The following TTN variants were observed in gnomAD, a reference collection of about 807,000 sequenced individuals.
TTN encodes connectin.
TTN carries 1,525 observed loss-of-function variants against 3,223.0 expected under a neutral mutation model. That is an observed-to-expected ratio of 0.47 (90% CI 0.45 to 0.49). TTN has a LOEUF of 0.49. Ranked by LOEUF, TTN falls within the 20% of genes least tolerant of loss-of-function variation. The probability of loss-of-function intolerance (pLI) is 0.00; values close to 1 mark genes in which losing one functional copy is unlikely to be tolerated. For missense variants in TTN, 40,786 were observed against 43,424.0 expected (o/e 0.94, Z 5.40); for synonymous variants, 14,094 against 15,161.0 (o/e 0.93, Z 5.17).
intron 69 of TTN, chr2:178,726,876 G>T: frequency 4.9e-6 from 2 of 406,720 alleles, no homozygotes; most frequent in Non-Finnish European, 8.4e-6. Context: ...TCAGAATTAT[G>T]ACACTGGAAT....
At position 178,731,746 on chromosome 2, in the gene TTN, C is replaced by T. The variant is rs200018866; in HGVS notation, c.17129G>A (p.Arg5710Gln). The T allele has an allele frequency of 5.5e-5, 89 of 1,613,520 alleles. No individual in the cohort carries two copies. The highest frequency in any genetic ancestry group is 3.7e-4 in the African/African-American group (28 of 74,888). ...GCTGCTGCCCACCTCATTGGTCACC[C>T]GACACTGGTATTCGCCAGCATCTGC... The part of the protein sequence containing the change: ...VAADAGEYQC[R>Q]VTNEVGSSIC... Residue 5710 changes from arginine to glutamine, a missense_variant, in exon 58 of 363, where the codon CGG becomes CAG. Transcript: ENST00000589042.
intron 344 of TTN, 93 bp from the exon 345 acceptor site, chr2:178,544,599 T>C: frequency 9.0e-7 from 1 of 1,107,402 alleles, no homozygotes; most frequent in Non-Finnish European, 1.3e-6. Flanking sequence ...AAAGGCATTA[T>C]TGCTCTTGTC....
At chr2:178,752,999 T>C (rs2085967192) in intron 47 of TTN, 125 bp downstream of exon 47, 6 of 716,230 alleles carry the variant, frequency 8.4e-6, no homozygotes, top group Admixed American at 2.7e-5. Context: ...ATATATACTC[T>C]AAGAGATATA....
At chr2:178,705,414 G>A in intron 102 of TTN, 57 bp from the exon 103 acceptor site, 2 of 1,294,066 alleles carry the variant, frequency 1.5e-6, no homozygotes, top group Non-Finnish European at 2.1e-6. Flanking sequence ...ATTTTTAATT[G>A]TCTATCATCA....
Position 178,764,030 on chromosome 2 carries a change from T to C in TTN, c.10114+147A>G, listed in dbSNP as rs2089878664. 20 of 1,185,938 alleles carry C rather than the reference T, an allele frequency of 1.7e-5. No homozygotes were observed. The South Asian group carries it at 2.6e-4, about 15-fold the overall frequency. The allele number at this position is 1,185,938 out of a possible 1,614,324, so 73.5% of individuals were successfully genotyped here. A position where few individuals can be genotyped will look rare whatever the true frequency, so the allele number is the denominator to read the frequency against. The stretch of plus-strand genomic sequence containing the variant: ...AACACTTATCTAATTCTTAATTTAA[T>C]AATTGAAATAAGTTTTCTGTTAGAT... On this transcript the variant is annotated intron_variant, in intron 43 of 362. Coordinates refer to ENST00000589042, the MANE Select transcript of TTN (RefSeq NM_001267550.2).
chr2:178,720,502 G>T lies in TTN; in HGVS notation c.23260C>A (p.His7754Asn). 1.9e-6 allele frequency: 3 copies of T among 1,613,646 alleles called. No homozygotes were observed. Among genetic ancestry groups the T allele is most frequent in the Non-Finnish European group, 2.5e-6 (3 of 1,179,662 alleles). Residue 7754 changes from histidine to asparagine, a missense_variant, in exon 80 of 363, where the codon CAT (histidine) becomes AAT (asparagine). Physicochemically the swap from His to Asn is moderately conservative, Grantham distance 68. Coordinates refer to ENST00000589042, the MANE Select transcript of TTN (RefSeq NM_001267550.2). Reference sequence around the variant, plus strand: ...AGGATATGAAGACTTGTATCAAAATGTTTTGAAGTGATTTTAAATTTCTTG... The same window carrying T: ...AGGATATGAAGACTTGTATCAAAATTTTTTGAAGTGATTTTAAATTTCTTG... ...NSKKFKITSK[H>N]FDTSLHILNL...
At chr2:178,749,625 A>G (rs2084809774) in intron 47 of TTN, 1 of 1,612,028 alleles carries the variant, frequency 6.2e-7, no homozygotes. Flanking sequence ...ATATTTTCGA[A>G]TTGACTATTT....
intron 10 of TTN, among the ~76,000 whole-genome samples, chr2:178,791,637 G>A (rs901988471): frequency 6.7e-6 from 1 of 149,748 alleles, no homozygotes; most frequent in Non-Finnish European, 1.5e-5. Flanking sequence ...ATTTATTCGG[G>A]GTGTTTATGG....
intron 147 of TTN, 22 bp from the exon 148 acceptor site, chr2:178,676,017 A>G (rs2068012072): frequency 6.4e-7 from 1 of 1,573,210 alleles, no homozygotes; most frequent in Non-Finnish European, 8.6e-7. Flanking sequence ...TCATTTCATG[A>G]TAAGGATTTA....
chr2:178,725,547 T>G lies in TTN; in HGVS notation c.20657A>C (p.Gln6886Pro). The change falls in exon 71 of 363, where the codon CAG (glutamine) becomes CCG (proline). Residue 6886 changes from glutamine (Q) to proline (P), a missense_variant. Coordinates refer to ENST00000589042, the MANE Select transcript of TTN (RefSeq NM_001267550.2). ...CACTTCTTCCTTCTCTTTAAGCCAC[T>G]GGACAAAAATAGGCTGGGCGCCTTC... ...SIEGAQPIFV[Q>P]WLKEKEEVIR... is the part of the protein sequence containing the mutation. The G allele has an allele frequency of 6.2e-7, 1 of 1,613,154 alleles. No individual in the cohort carries two copies. The highest frequency in any genetic ancestry group is 2.2e-5 in the East Asian group (1 of 44,842).
At chr2:178,803,508 A>G (rs2094166034) in intron 2 of TTN, among the ~76,000 whole-genome samples, 1 of 151,932 alleles carries the variant, frequency 6.6e-6, no homozygotes, top group Non-Finnish European at 1.5e-5. Context: ...TATGTACAAT[A>G]GAAAATAAGC....
Position 178,569,721 on chromosome 2 carries a change from G to T in TTN, c.76411C>A (p.Leu25471Met). 1.9e-6 allele frequency: 3 copies of T among 1,613,138 alleles called. No individual in the cohort carries two copies. The highest frequency in any genetic ancestry group is 2.2e-5 in the South Asian group (2 of 91,054). ...AAGTTGTATTCATGCTTTTCCAACAGCTTCTCTACTTCTATGTTTGTTTTA... is the reference window on the plus strand; with the variant it reads ...AAGTTGTATTCATGCTTTTCCAACATCTTCTCTACTTCTATGTTTGTTTTA... Reference protein sequence around the residue: ...INKTNIEVEKLLEKHEYNFRI... With the variant: ...INKTNIEVEKMLEKHEYNFRI... The change falls in exon 326 of 363, where the codon CTG (leucine) becomes ATG (methionine). Residue 25471 changes from leucine (L) to methionine (M), a missense_variant. Transcript: ENST00000589042.
chr2:178,741,118 G>C lies in TTN; in HGVS notation c.12115C>G (p.Pro4039Ala), dbSNP rs1250883187. 5 of 1,613,746 alleles carry C rather than the reference G, an allele frequency of 3.1e-6. No individual in the cohort carries two copies. The highest frequency in any genetic ancestry group is 4.2e-6 in the Non-Finnish European group (5 of 1,179,824). Residue 4039 changes from proline (P) to alanine (A), a missense_variant, in exon 48 of 363, where the codon CCC (proline) becomes GCC (alanine). By Grantham distance (27) the Pro-to-Ala change is conservative. Transcript: ENST00000589042. ...LLEDTDMTDT[P>A]CKAKSTPEAP... ...TCTGGTGTGGACTTTGCTTTGCAGG[G>C]GGTATCAGTCATGTCTGTGTCTTCC... is the stretch of plus-strand genomic sequence containing the variant.
intron 80 of TTN, 50 bp downstream of exon 80, chr2:178,720,335 A>C: frequency 6.3e-7 from 1 of 1,591,436 alleles, no homozygotes; most frequent in African/African-American, 1.3e-5. Context: ...TAGTTAGGCA[A>C]GAACAGATAG....
chr2:178,581,263 T>G (rs961555320), intron 316 of TTN, among the ~76,000 whole-genome samples: 1 of 152,064 alleles, frequency 6.6e-6, no homozygotes, highest in Non-Finnish European at 1.5e-5. Context: ...TCATGTCTTT[T>G]GAAGACAGGA....
At chr2:178,716,716 C>T (rs908859935) in intron 88 of TTN, among the ~76,000 whole-genome samples, 1 of 152,078 alleles carries the variant, frequency 6.6e-6, no homozygotes, top group East Asian at 1.9e-4. Flanking sequence ...TTTGCTATGC[C>T]TTAGAGGGAC....
Position 178,723,557 on chromosome 2 carries a change from G to A in TTN, c.21543C>T (p.Asp7181=), listed in dbSNP as rs1171089956. 1.2e-6 allele frequency: 2 copies of A among 1,613,248 alleles called. No individual in the cohort carries two copies. Among genetic ancestry groups the A allele is most frequent in the Non-Finnish European group, 1.7e-6 (2 of 1,179,582 alleles). Residue 7181 remains aspartate, a synonymous_variant, in exon 74 of 363, where the codon GAC becomes GAT. Transcript: ENST00000589042. ...TGTCTTCAAAATAGATGTTGCACCG[G>A]TCTCCTTTCACTAGTTCTCTGGCAC... ...FRGARELVKG[D]RCNIYFEDTV...
rs1252868552 is a variant in TTN at position 178,775,146 on chromosome 2, C to A, written c.6565G>T (p.Asp2189Tyr). The A allele has an allele frequency of 6.2e-7, 1 of 1,613,964 alleles. No homozygotes were observed. The highest frequency in any genetic ancestry group is 8.5e-7 in the Non-Finnish European group (1 of 1,179,964). Reference sequence around the variant, plus strand: ...TCACATTCAAAGGTTGCCATAGTGTCTTTTTCCTTAGCAACAACATCTTGT... The same window carrying A: ...TCACATTCAAAGGTTGCCATAGTGTATTTTTCCTTAGCAACAACATCTTGT... ...ELQDVVAKEK[D>Y]TMATFECETS... The change falls in exon 29 of 363, where the codon GAC (aspartate) becomes TAC (tyrosine). Residue 2189 changes from aspartate (D) to tyrosine (Y), a missense_variant. Physicochemically the swap from Asp to Tyr is radical, Grantham distance 160 (BLOSUM62 -3). Coordinates refer to ENST00000589042, the MANE Select transcript of TTN (RefSeq NM_001267550.2).
chr2:178,799,516 G>T lies in TTN; in HGVS notation c.885C>A (p.His295Gln), dbSNP rs750214574. The change falls in exon 6 of 363, where the codon CAC becomes CAA. Residue 295 changes from histidine (H) to glutamine (Q), a missense_variant. His to Gln is a conservative substitution (Grantham distance 24). Transcript: ENST00000589042. ...CCGGAGATGGGGTCGGTGCCCGCAC[G>T]TGTCTGACCGGGGAAGGGGAGTGTC... ...PIRHSPSPVRHVRAPTPSPVR... is the reference protein window; with the variant it reads ...PIRHSPSPVRQVRAPTPSPVR... 4 of 1,614,176 alleles carry T rather than the reference G, an allele frequency of 2.5e-6. No individual in the cohort carries two copies. Among genetic ancestry groups the T allele is most frequent in the South Asian group, 2.2e-5 (2 of 91,080 alleles).
Sources: allele counts gnomAD v4.1 joint callset (sites outside exome capture counted in the v4.1 genomes callset), GRCh38; gene constraint gnomAD v4.1.1; transcripts MANE v1.5; gene names NCBI Gene and HGNC (gene_info 2026-07-23, HGNC 2026-07-21).